The following INPP5A variants were observed in gnomAD, a reference collection of about 807,000 sequenced individuals.
INPP5A encodes the protein inositol polyphosphate-5-phosphatase A.
A neutral mutation model predicts 65.2 loss-of-function variants in INPP5A; 14 were observed. The ratio of observed to expected loss-of-function variants is 0.21; its 90% CI spans 0.14 to 0.34. INPP5A has a LOEUF of 0.34. Ranked by LOEUF, INPP5A falls within the 10% of genes least tolerant of loss-of-function variation. The probability of loss-of-function intolerance (pLI) is 1.00; values close to 1 mark genes in which losing one functional copy is unlikely to be tolerated. For synonymous variants in INPP5A, 207 were observed against 208.3 expected, an observed-to-expected ratio of 0.99 and a Z score of 0.05; for missense variants, 431 against 545.6, an observed-to-expected ratio of 0.79 and a Z score of 2.09.
chr10:132,538,071 C>G lies in INPP5A; in HGVS notation c.-26C>G. ...AGCGGCCGCCGCCGCCGCCGCCCAG[C>G]CCAGCGCCCGCGCCGCCCGGGCACC... On this transcript the variant is annotated 5_prime_UTR_variant, in exon 1 of 16. Transcript: ENST00000368594. This position sits in a 1 kb window ranked among gnomAD's most constrained non-coding sequence, Gnocchi z 4.1. The G allele has an allele frequency of 6.3e-6, 7 of 1,112,270 alleles. No homozygotes were observed. Among genetic ancestry groups the G allele is most frequent in the Non-Finnish European group, 7.7e-6 (7 of 910,142 alleles). 68.9% of individuals were successfully genotyped at this position (1,112,270 alleles called of 1,614,324 possible). A position where few individuals can be genotyped will look rare whatever the true frequency, so the allele number is the denominator to read the frequency against.
intron 1 of INPP5A, among the ~76,000 whole-genome samples, chr10:132,594,271 A>C (rs2071654909): frequency 6.6e-6 from 1 of 152,170 alleles, no homozygotes; most frequent in African/African-American, 2.4e-5. Flanking sequence ...AATTTAAGTG[A>C]ACTAAAATTA....
intron 5 of INPP5A, among the ~76,000 whole-genome samples, chr10:132,694,706 G>T (rs1845318845): frequency 6.6e-6 from 1 of 152,128 alleles, no homozygotes; most frequent in South Asian, 2.1e-4. Context: ...AGAAATTAGA[G>T]AGGGGCCATT....
chr10:132,589,989 G>A (rs1389418676), intron 1 of INPP5A, among the ~76,000 whole-genome samples: 3 of 152,232 alleles, frequency 2.0e-5, no homozygotes, highest in East Asian at 3.9e-4. Flanking sequence ...CCAGGCCTCG[G>A]GGAGCCCCTC....
chr10:132,594,919 G>A (rs2133319686), intron 1 of INPP5A, among the ~76,000 whole-genome samples: 1 of 152,248 alleles, frequency 6.6e-6, no homozygotes, highest in East Asian at 1.9e-4. Context: ...TAACATTCTG[G>A]CCAAAGTGGC....
intron 2 of INPP5A, among the ~76,000 whole-genome samples, chr10:132,609,454 C>T (rs986154555): frequency 5.3e-5 from 8 of 152,144 alleles, no homozygotes; most frequent in Non-Finnish European, 1.0e-4. Context: ...AGACCCACAT[C>T]CTTGCAGAAC....
At chr10:132,781,840 C>G in intron 14 of INPP5A, 21 bp from the exon 15 acceptor site, 1 of 1,607,816 alleles carries the variant, frequency 6.2e-7, no homozygotes, top group Non-Finnish European at 8.5e-7. Context: ...GTGCTGACAC[C>G]GTCCTCTCTT....
In INPP5A at chr10:132,700,625, C is replaced by T. The variant is rs113011920; in HGVS notation, c.474+2706C>T. Among the ~76,000 whole-genome samples the T allele has an allele frequency of 1.3e-4, 20 of 151,912 alleles. No homozygotes were observed. In the East Asian group the frequency reaches 2.9e-3, roughly 22 times the overall value. Reference sequence around the variant, plus strand: ...GGGGCCCGGGGAGCCATGGGAGTCCCGGCCTGGCAGCCTGGCCGGGCCCGC... The same window carrying T: ...GGGGCCCGGGGAGCCATGGGAGTCCTGGCCTGGCAGCCTGGCCGGGCCCGC... On this transcript the variant is annotated intron_variant, in intron 6 of 15. Transcript: ENST00000368594.
intron 1 of INPP5A, among the ~76,000 whole-genome samples, chr10:132,607,362 A>G (rs79276667): frequency 0.023 from 3,543 of 152,306 alleles, 49 homozygotes; most frequent in South Asian, 0.039. Flanking sequence ...TGATGGCTCT[A>G]GCAAGTGCTT....
chr10:132,565,997 C>T (rs956097153), intron 1 of INPP5A, among the ~76,000 whole-genome samples: 2 of 151,846 alleles, frequency 1.3e-5, no homozygotes, highest in Admixed American at 6.6e-5. Flanking sequence ...GACAAGAGAG[C>T]CCTGTGGTCG....
rs1230609165 is a variant in INPP5A at position 132,549,254 on chromosome 10, C to T, written c.75+11083C>T. Among the ~76,000 whole-genome samples, 2 of 152,004 alleles carry T rather than the reference C, an allele frequency of 1.3e-5. No homozygotes were observed. Among genetic ancestry groups the T allele is most frequent in the Non-Finnish European group, 2.9e-5 (2 of 67,988 alleles). On this transcript the variant is annotated intron_variant, in intron 1 of 15. Coordinates refer to ENST00000368594, the MANE Select transcript of INPP5A (RefSeq NM_005539.5). This position sits in a 1 kb window ranked among gnomAD's most constrained non-coding sequence, Gnocchi z 4.9. The stretch of plus-strand genomic sequence containing the variant: ...AGGGTGTCACTGCTCTAGGGCTGGC[C>T]GAGTGGTCACTCTGTGGCTGTCTTT...
intron 4 of INPP5A, among the ~76,000 whole-genome samples, chr10:132,688,174 G>T (rs59861210): frequency 0.028 from 4,288 of 152,294 alleles, 100 homozygotes; most frequent in Non-Finnish European, 0.049. Context: ...GGGCCCAGGG[G>T]GCTGCAGACA....
intron 5 of INPP5A, among the ~76,000 whole-genome samples, chr10:132,694,086 C>T (rs1313513233): frequency 1.3e-5 from 2 of 152,200 alleles, no homozygotes; most frequent in Non-Finnish European, 2.9e-5. Context: ...ACGTTTTTGT[C>T]AAGCTCGCCT....
At chr10:132,585,807 C>T (rs900916422) in intron 1 of INPP5A, among the ~76,000 whole-genome samples, 1 of 152,222 alleles carries the variant, frequency 6.6e-6, no homozygotes, top group African/African-American at 2.4e-5. Context: ...ACGCTCCCCA[C>T]AGATGTGTGT....
At chr10:132,643,001 A>T (rs777656058) in intron 2 of INPP5A, among the ~76,000 whole-genome samples, 6 of 152,166 alleles carry the variant, frequency 3.9e-5, no homozygotes, top group Non-Finnish European at 5.9e-5. Flanking sequence ...GGAGATGTTG[A>T]CTTTAAATGA....
intron 2 of INPP5A, among the ~76,000 whole-genome samples, chr10:132,624,749 A>G (rs1332097626): frequency 1.3e-5 from 2 of 152,112 alleles, no homozygotes; most frequent in Non-Finnish European, 2.9e-5. Flanking sequence ...AGCTGCCTGG[A>G]TGCCCTGTGG....
intron 9 of INPP5A, among the ~76,000 whole-genome samples, chr10:132,743,503 C>A (rs768819007): frequency 2.0e-4 from 31 of 152,390 alleles, no homozygotes; most frequent in African/African-American, 7.2e-4. Flanking sequence ...CCTGGAGGGC[C>A]GGACCCTAAC....
chr10:132,756,860 G>A (rs1846629772), intron 11 of INPP5A, among the ~76,000 whole-genome samples: 1 of 152,270 alleles, frequency 6.6e-6, no homozygotes. Flanking sequence ...GGGACGCAGA[G>A]GCGGCAGAGA....
intron 5 of INPP5A, among the ~76,000 whole-genome samples, chr10:132,696,165 C>A (rs1403747896): frequency 2.0e-5 from 3 of 152,222 alleles, no homozygotes; most frequent in Admixed American, 6.5e-5. Flanking sequence ...AAGACACTTA[C>A]TTTGTTTACA....
In INPP5A at chr10:132,676,931, C is replaced by G. The variant is rs1044830217; in HGVS notation, c.307-13461C>G. 2.6e-5 allele frequency among the ~76,000 whole-genome samples: 4 copies of G among 152,292 alleles called. No homozygotes were observed. Among genetic ancestry groups the G allele is most frequent in the African/African-American group, 9.6e-5 (4 of 41,548 alleles). ...CCACATGGTGACCCCCACCGTCACC[C>G]AGGCATCTGTCCTCAACTGCAGACC... On this transcript the variant is annotated intron_variant, in intron 4 of 15. Transcript: ENST00000368594. The surrounding 1 kb of genome is among the most constrained non-coding windows in gnomAD (Gnocchi z 4.0).
Sources: allele counts gnomAD v4.1 joint callset (sites outside exome capture counted in the v4.1 genomes callset), GRCh38; gene constraint gnomAD v4.1.1; non-coding constraint Gnocchi (gnomAD v3.1); transcripts MANE v1.5; gene names NCBI Gene and HGNC (gene_info 2026-07-23, HGNC 2026-07-21).